MAGI2: variants seen among roughly 807,000 people sequenced by gnomAD.
The protein encoded by MAGI2 is membrane-associated guanylate kinase, WW and PDZ domain-containing protein 2.
In MAGI2, 35 loss-of-function variants were observed where a neutral mutation model predicts 133.3. The observed-to-expected ratio is 0.26, with a 90% CI of 0.20 to 0.35. The LOEUF (loss-of-function observed/expected upper bound fraction) is 0.35, where lower values mean the gene tolerates loss of function less well. Among genes scored for constraint, MAGI2 ranks in the 10% least tolerant of loss-of-function variants. The pLI is 1.00. For missense variants in MAGI2, 1,636 were observed against 1,863.4 expected (o/e 0.88, Z 2.25); for synonymous variants, 729 against 710.6 (o/e 1.03, Z -0.41).
intron 6 of MAGI2, among the ~76,000 whole-genome samples, chr7:78,370,073 G>A (rs1054563461): frequency 1.3e-5 from 2 of 152,078 alleles, no homozygotes; most frequent in Middle Eastern, 3.4e-3. Flanking sequence ...ATATTTCAGT[G>A]AAGTTTAAAA....
At chr7:78,963,199 T>C (rs1262072609) in intron 2 of MAGI2, among the ~76,000 whole-genome samples, 1 of 152,144 alleles carries the variant, frequency 6.6e-6, no homozygotes, top group African/African-American at 2.4e-5. Flanking sequence ...CTGGCAGAAA[T>C]AAGTAGTTGT....
chr7:79,443,732 T>G (rs7808157), intron 1 of MAGI2, among the ~76,000 whole-genome samples: 1,882 of 152,360 alleles, frequency 0.012, 24 homozygotes, highest in African/African-American at 0.04. Flanking sequence ...TGTGCTACAC[T>G]TGATCCATGG....
At chr7:78,309,969 G>A (rs1209419328) in intron 9 of MAGI2, among the ~76,000 whole-genome samples, 3 of 152,146 alleles carry the variant, frequency 2.0e-5, no homozygotes, top group African/African-American at 7.2e-5. Flanking sequence ...TTATAGTAGT[G>A]GTAGCAACAT....
intron 2 of MAGI2, among the ~76,000 whole-genome samples, chr7:78,714,020 T>G (rs1288692966): frequency 7.1e-6 from 1 of 141,054 alleles, no homozygotes; most frequent in Non-Finnish European, 1.5e-5. Flanking sequence ...CCACTGAGAA[T>G]AGTTTCCCAT....
intron 1 of MAGI2, among the ~76,000 whole-genome samples, chr7:79,182,019 T>C (rs1826665673): frequency 6.6e-6 from 1 of 152,032 alleles, no homozygotes; most frequent in Admixed American, 6.6e-5. Flanking sequence ...ATCAGCATTT[T>C]GGTCAAAGCC....
intron 1 of MAGI2, among the ~76,000 whole-genome samples, chr7:79,275,114 C>G (rs1016343097): frequency 6.6e-6 from 1 of 152,082 alleles, no homozygotes; most frequent in Non-Finnish European, 1.5e-5. Flanking sequence ...TCACAAGTCT[C>G]TCACTTTAAG....
chr7:79,028,079 G>T (rs926713055), intron 1 of MAGI2, among the ~76,000 whole-genome samples: 1 of 151,286 alleles, frequency 6.6e-6, no homozygotes, highest in Non-Finnish European at 1.5e-5. Flanking sequence ...GGGCATGGTG[G>T]CATGCGCCTG....
At chr7:78,282,762 T>G (rs1046496986) in intron 9 of MAGI2, among the ~76,000 whole-genome samples, 1 of 152,062 alleles carries the variant, frequency 6.6e-6, no homozygotes, top group African/African-American at 2.4e-5. Flanking sequence ...GATTAAGATA[T>G]TTAGCTAGAA....
intron 6 of MAGI2, among the ~76,000 whole-genome samples, chr7:78,421,071 T>C (rs1423942438): frequency 6.6e-6 from 1 of 152,096 alleles, no homozygotes; most frequent in Non-Finnish European, 1.5e-5. Context: ...AAGGATGAAA[T>C]TGTGGAGCTG....
chr7:78,859,947 C>A (rs1794015520), intron 2 of MAGI2, among the ~76,000 whole-genome samples: 1 of 152,244 alleles, frequency 6.6e-6, no homozygotes, highest in East Asian at 1.9e-4. Context: ...TCTTTTTACT[C>A]TTTTTTCTCT....
intron 10 of MAGI2, 81 bp downstream of exon 10, chr7:78,255,862 A>C: frequency 7.3e-7 from 1 of 1,376,758 alleles, no homozygotes; most frequent in Non-Finnish European, 1.0e-6. Context: ...AACTCCAAGG[A>C]AATCTGCATT....
intron 2 of MAGI2, among the ~76,000 whole-genome samples, chr7:78,790,732 C>A (rs1335174008): frequency 2.0e-5 from 3 of 152,086 alleles, no homozygotes; most frequent in Non-Finnish European, 4.4e-5. Flanking sequence ...CCGTGCCCGG[C>A]CCTGTCATCA....
chr7:78,247,076 G>A (rs1489248850), intron 10 of MAGI2, among the ~76,000 whole-genome samples: 1 of 152,164 alleles, frequency 6.6e-6, no homozygotes, highest in Non-Finnish European at 1.5e-5. Context: ...GTGTCCTGGA[G>A]CCCAGTGCTG....
At chr7:78,079,888 C>T (rs1027553030) in intron 20 of MAGI2, among the ~76,000 whole-genome samples, 1 of 152,236 alleles carries the variant, frequency 6.6e-6, no homozygotes, top group African/African-American at 2.4e-5. Flanking sequence ...GTAACTCCCA[C>T]AGTACCATTA....
intron 2 of MAGI2, among the ~76,000 whole-genome samples, chr7:78,810,448 G>C (rs1483118181): frequency 6.6e-6 from 1 of 152,060 alleles, no homozygotes. Context: ...TTATTATCAG[G>C]CCAGATTTTA....
chr7:78,114,107 T>C (rs1489912567), intron 20 of MAGI2, among the ~76,000 whole-genome samples: 1 of 152,216 alleles, frequency 6.6e-6, no homozygotes, highest in Non-Finnish European at 1.5e-5. Context: ...TGAATATGTC[T>C]GTCAGGCTCC....
intron 2 of MAGI2, among the ~76,000 whole-genome samples, chr7:78,931,630 C>T (rs536966529): frequency 7.7e-4 from 117 of 152,182 alleles, no homozygotes; most frequent in Non-Finnish European, 1.5e-3. Flanking sequence ...TCAGAATAGC[C>T]TATCCTATTG....
At chr7:79,257,984 C>T (rs997496134) in intron 1 of MAGI2, among the ~76,000 whole-genome samples, 33 of 152,196 alleles carry the variant, frequency 2.2e-4, no homozygotes, top group Non-Finnish European at 1.2e-4. Context: ...CTTAATCATA[C>T]ATTTTGCCTG....
chr7:78,692,859 C>A (rs117551978), intron 2 of MAGI2, among the ~76,000 whole-genome samples: 2,782 of 152,194 alleles, frequency 0.018, 44 homozygotes, highest in Middle Eastern at 0.034. Context: ...ATTAATGAAG[C>A]CTTTGGTTAC....
Sources: gnomAD v4.1 joint callset for allele counts (sites outside exome capture counted in the v4.1 genomes callset) on GRCh38, gnomAD v4.1.1 for gene constraint, MANE v1.5 for transcripts, NCBI Gene and HGNC (gene_info 2026-07-23, HGNC 2026-07-21) for gene names.